Variants in RBFOX3 observed in about 807,000 individuals in gnomAD.
RBFOX3 encodes RNA binding fox-1 homolog 3, also known as RNA binding protein fox-1 homolog 3.
Under a neutral mutation model 48.7 loss-of-function variants are expected in RBFOX3, and 17 were observed. The ratio of observed to expected loss-of-function variants is 0.35; its 90% CI spans 0.24 to 0.52. The LOEUF (loss-of-function observed/expected upper bound fraction) is 0.52. RBFOX3 is among the 20% of genes least tolerant of loss of function. RBFOX3 has a pLI of 0.94. For synonymous variants in RBFOX3, 212 were observed against 209.5 expected (o/e 1.01, Z -0.10); for missense variants, 382 against 497.5 (o/e 0.77, Z 2.21).
At chr17:79,590,628 A>G (rs2093388730) in intron 1 of RBFOX3, among the ~76,000 whole-genome samples, 1 of 152,164 alleles carries the variant, frequency 6.6e-6, no homozygotes, top group African/African-American at 2.4e-5. Context: ...GGGCTCCTCC[A>G]GGAAAGGAGG....
intron 1 of RBFOX3, among the ~76,000 whole-genome samples, chr17:79,498,520 C>T (rs1357512382): frequency 6.6e-6 from 1 of 150,784 alleles, no homozygotes; most frequent in African/African-American, 2.4e-5. Context: ...CATCCATCCA[C>T]TCACTCACCC....
the RBFOX3 span, among the ~76,000 whole-genome samples, chr17:79,623,823 T>TAAAAAAAA: frequency 1.9e-5 from 2 of 106,028 alleles, no homozygotes; most frequent in African/African-American, 7.9e-5. Context: ...ACTCTGTCTC[T>TAAAAAAAA]AAAAAAAAAA....
rs145109340 is a variant in RBFOX3 at position 79,337,396 on chromosome 17, CT to C, written c.-174-29573del. Among the ~76,000 whole-genome samples the C allele has an allele frequency of 9.4e-3, 1,432 of 152,350 alleles. 29 individuals are homozygous for C. The highest frequency in any genetic ancestry group is 0.031 in the African/African-American group (1,297 of 41,574). ...AGCTGCATCCGGGCACAAATGCACTCTCGTGTGTTTGCACTGACATGCATGC... is the reference window on the plus strand; with the variant it reads ...AGCTGCATCCGGGCACAAATGCACTCCGTGTGTTTGCACTGACATGCATGC... On this transcript the variant is annotated intron_variant, in intron 2 of 14. Transcript: ENST00000693108.
chr17:79,558,554 C>T (rs2091947715), intron 1 of RBFOX3, among the ~76,000 whole-genome samples: 1 of 152,134 alleles, frequency 6.6e-6, no homozygotes, highest in Non-Finnish European at 1.5e-5. Flanking sequence ...CAGTCAGGAC[C>T]AGCCCTCCAA....
chr17:79,631,681 T>C, the RBFOX3 span, among the ~76,000 whole-genome samples: 2 of 152,194 alleles, frequency 1.3e-5, no homozygotes, highest in African/African-American at 4.8e-5. Flanking sequence ...CCTGCAACCC[T>C]CCCCAGTGGC....
chr17:79,506,407 C>A (rs893777875), intron 1 of RBFOX3, among the ~76,000 whole-genome samples: 3 of 152,324 alleles, frequency 2.0e-5, no homozygotes, highest in African/African-American at 7.2e-5. Flanking sequence ...AAGGCGATGC[C>A]GAGCGGCCAT....
intron 2 of RBFOX3, among the ~76,000 whole-genome samples, chr17:79,385,852 T>C (rs957278057): frequency 4.7e-5 from 7 of 150,480 alleles, no homozygotes; most frequent in Non-Finnish European, 1.0e-4. Context: ...TCACCCTCCA[T>C]TGCAGACAGG....
At chr17:79,544,668 T>C (rs1245826307) in intron 1 of RBFOX3, among the ~76,000 whole-genome samples, 2 of 151,918 alleles carry the variant, frequency 1.3e-5, no homozygotes, top group African/African-American at 4.8e-5. Flanking sequence ...CAGACACACC[T>C]GGCTGCCTTC....
chr17:79,218,840 C>T, intron 4 of RBFOX3, among the ~76,000 whole-genome samples: 1 of 152,178 alleles, frequency 6.6e-6, no homozygotes, highest in Non-Finnish European at 1.5e-5. Context: ...GCCGGAGCAC[C>T]CGGGCACATC....
chr17:79,513,297 G>T (rs1357683551), intron 1 of RBFOX3, among the ~76,000 whole-genome samples: 1 of 152,184 alleles, frequency 6.6e-6, no homozygotes, highest in Non-Finnish European at 1.5e-5. Flanking sequence ...ATTGGGCACG[G>T]TCCCATGGCC....
chr17:79,146,843 A>G (rs2612794), intron 4 of RBFOX3, among the ~76,000 whole-genome samples: 151,210 of 152,330 alleles, frequency 0.99, 75,065 homozygotes, highest in East Asian at 1. Context: ...CCTCACCATG[A>G]GGAGGGGGCA....
rs2149399679 is a variant in RBFOX3 at position 79,473,949 on chromosome 17, C to G, written c.-175+8505G>C. ...GACGCTCCTTTTCTGTTCTTTCCCC[C>G]ACAGAACACAGATGTCTTTGAAAGC... On this transcript the variant is annotated intron_variant, in intron 2 of 14. Coordinates refer to ENST00000693108, the MANE Select transcript of RBFOX3 (RefSeq NM_001350451.2). The surrounding 1 kb of genome is among the most constrained non-coding windows in gnomAD (Gnocchi z 4.2). Among the ~76,000 whole-genome samples, 1 of 152,284 alleles carries G rather than the reference C, an allele frequency of 6.6e-6. No individual in the cohort carries two copies. The highest frequency in any genetic ancestry group is 2.4e-5 in the African/African-American group (1 of 41,548).
At chr17:79,452,514 C>T (rs912216771) in intron 2 of RBFOX3, among the ~76,000 whole-genome samples, 3 of 152,168 alleles carry the variant, frequency 2.0e-5, no homozygotes, top group Non-Finnish European at 2.9e-5. Flanking sequence ...TCAGGGAGAC[C>T]GTCCCCTGCC....
rs2077347975 is a variant in RBFOX3 at position 79,473,816 on chromosome 17, C to T, written c.-175+8638G>A. Among the ~76,000 whole-genome samples the T allele has an allele frequency of 6.6e-6, 1 of 152,112 alleles. No homozygotes were observed. Among genetic ancestry groups the T allele is most frequent in the African/African-American group, 2.4e-5 (1 of 41,420 alleles). ...TCTGTTCCGCCTCCATTTTTCTCCT[C>T]CTCCTAAAAGCACACACACACACTC... On this transcript the variant is annotated intron_variant, in intron 2 of 14. Transcript: ENST00000693108. The surrounding 1 kb of genome is among the most constrained non-coding windows in gnomAD (Gnocchi z 4.2).
chr17:79,289,933 C>G (rs138851839), intron 3 of RBFOX3, among the ~76,000 whole-genome samples: 8 of 152,336 alleles, frequency 5.3e-5, no homozygotes, highest in Admixed American at 4.6e-4. Flanking sequence ...TGCTCCAACC[C>G]TACCCCTAAA....
the RBFOX3 span, among the ~76,000 whole-genome samples, chr17:79,633,430 A>C: frequency 6.6e-6 from 1 of 152,142 alleles, no homozygotes; most frequent in African/African-American, 2.4e-5. Flanking sequence ...ACGCGTGTCC[A>C]CCGTAGGGAG....
intron 1 of RBFOX3, among the ~76,000 whole-genome samples, chr17:79,545,827 G>A (rs868993259): frequency 6.6e-5 from 10 of 152,138 alleles, no homozygotes; most frequent in African/African-American, 1.9e-4. Context: ...AGACACACCC[G>A]TGCACACTCA....
intron 2 of RBFOX3, among the ~76,000 whole-genome samples, chr17:79,449,368 A>C (rs953637428): frequency 2.6e-5 from 4 of 151,346 alleles, no homozygotes; most frequent in Admixed American, 6.6e-5. Context: ...GGCTGTCCCC[A>C]AACTTTCTCC....
intron 3 of RBFOX3, among the ~76,000 whole-genome samples, chr17:79,305,674 G>T (rs1392736973): frequency 1.3e-5 from 2 of 152,250 alleles, no homozygotes; most frequent in Middle Eastern, 3.2e-3. Context: ...GGGCTGGGGT[G>T]GGGGCTGTAC....
Sources: allele counts gnomAD v4.1 joint callset (sites outside exome capture counted in the v4.1 genomes callset), GRCh38; gene constraint gnomAD v4.1.1; non-coding constraint Gnocchi (gnomAD v3.1); transcripts MANE v1.5; gene names NCBI Gene and HGNC (gene_info 2026-07-23, HGNC 2026-07-21).